COL12A1: variants seen among roughly 807,000 people sequenced by gnomAD.
COL12A1 encodes the protein collagen alpha-1(XII) chain.
In COL12A1, 114 loss-of-function variants were observed where a neutral mutation model predicts 349.7. The ratio of observed to expected loss-of-function variants is 0.33; its 90% confidence interval spans 0.28 to 0.38. COL12A1 has a LOEUF of 0.38. COL12A1 is among the 10% of genes least tolerant of loss of function. The pLI, the probability that COL12A1 is intolerant of heterozygous loss-of-function variation, is 1.00. For missense variants in COL12A1, 3,284 were observed against 3,756.9 expected (o/e 0.87, Z 3.29); for synonymous variants, 1,369 against 1,329.0 (o/e 1.03, Z -0.66).
chr6:75,154,339 G>T (rs934744838), intron 17 of COL12A1, 77 bp downstream of exon 17: 3 of 1,460,884 alleles, frequency 2.1e-6, no homozygotes, highest in African/African-American at 1.4e-5. Context: ...GTTTTCCATT[G>T]TATGATACCC....
intron 14 of COL12A1, among the ~76,000 whole-genome samples, chr6:75,164,961 A>T (rs1054690208): frequency 7.2e-5 from 11 of 152,170 alleles, no homozygotes; most frequent in South Asian, 2.1e-4. Flanking sequence ...ATAAAAAATT[A>T]AAAAACTAAG....
rs1766399636 is a variant in COL12A1, at chr6:75,133,257, A to G, written c.5794+36T>C. ...GTCTTTATAATGAAAAGCAACACTTATGATGAAAAATTAATTTTTTGGCTT... is the reference window on the plus strand; with the variant it reads ...GTCTTTATAATGAAAAGCAACACTTGTGATGAAAAATTAATTTTTTGGCTT... On this transcript the variant is annotated intron_variant, in intron 34 of 65. Transcript: ENST00000322507. The G allele has an allele frequency of 5.9e-6, 9 of 1,535,776 alleles. No individual in the cohort carries two copies. The East Asian group carries it at 2.1e-4, about 36-fold the overall frequency.
intron 22 of COL12A1, 74 bp from the exon 23 acceptor site, chr6:75,147,878 A>G: frequency 6.8e-7 from 1 of 1,464,938 alleles, no homozygotes; most frequent in Non-Finnish European, 9.2e-7. Context: ...CTTACAAAGT[A>G]GTTAACTGCA....
intron 53 of COL12A1, among the ~76,000 whole-genome samples, chr6:75,105,871 CTAGCGTATAA>C (rs1353721140): frequency 1.3e-5 from 2 of 152,136 alleles, no homozygotes; most frequent in African/African-American, 4.8e-5. Flanking sequence ...AGATTGGTGC[CTAGCGTATAA>C]TAGGTGCTCA....
intron 63 of COL12A1, 145 bp from the exon 64 acceptor site, chr6:75,089,319 G>T: frequency 1.6e-6 from 1 of 635,236 alleles, no homozygotes; most frequent in Non-Finnish European, 2.6e-6. Context: ...CACTCTTTAA[G>T]CCAAGTTCTT....
intron 10 of COL12A1, among the ~76,000 whole-genome samples, chr6:75,182,741 G>A (rs1769378888): frequency 6.6e-6 from 1 of 152,084 alleles, no homozygotes; most frequent in Admixed American, 6.6e-5. Context: ...CCCCATACAT[G>A]GGATTTGGAT....
chr6:75,087,634 C>G lies in COL12A1; in HGVS notation c.9124G>C (p.Gly3042Arg). ...SGIRGPPGPP[G>R]YCDSSQCASI... Reference sequence around the variant, plus strand: ...GCACACTGAGAAGAATCACAGTATCCAGGAGGACCTGGGGGTCCTCGGATA... The same window carrying G: ...GCACACTGAGAAGAATCACAGTATCGAGGAGGACCTGGGGGTCCTCGGATA... The change falls in exon 65 of 66, where the codon GGA (glycine) becomes CGA (arginine). Residue 3042 changes from glycine to arginine, a missense_variant. Transcript: ENST00000322507. 6.2e-7 allele frequency: 1 copy of G among 1,613,482 alleles called. No homozygotes were observed. The highest frequency in any genetic ancestry group is 8.5e-7 in the Non-Finnish European group (1 of 1,179,734).
In COL12A1 at chr6:75,138,585, G is replaced by A. The variant is rs766762283; in HGVS notation, c.5098-5C>T. 6 of 1,612,892 alleles carry A rather than the reference G, an allele frequency of 3.7e-6. No homozygotes were observed. In the Admixed American group the frequency reaches 6.7e-5, roughly 18 times the overall value. ...TTCATCTCCATTTAAGATGGTCTTGGAGAAAGAGGACAAAAACATACCCAC... is the reference window on the plus strand; with the variant it reads ...TTCATCTCCATTTAAGATGGTCTTGAAGAAAGAGGACAAAAACATACCCAC... On this transcript the variant is annotated splice_region_variant and splice_polypyrimidine_tract_variant and intron_variant, in intron 28 of 65. Coordinates refer to ENST00000322507, the MANE Select transcript of COL12A1 (RefSeq NM_004370.6).
At chr6:75,205,153 G>T (rs1344217298) in intron 1 of COL12A1, among the ~76,000 whole-genome samples, 2 of 151,014 alleles carry the variant, frequency 1.3e-5, no homozygotes. Flanking sequence ...GTCGGAGAGG[G>T]GACTTTCTCC....
At chr6:75,091,676 G>T in intron 60 of COL12A1, 151 bp from the exon 61 acceptor site, 1 of 725,994 alleles carries the variant, frequency 1.4e-6, no homozygotes, top group South Asian at 1.9e-5. Context: ...CTCACATTCT[G>T]CTTTTCTATA....
intron 14 of COL12A1, among the ~76,000 whole-genome samples, chr6:75,162,015 T>C (rs1271372637): frequency 6.6e-6 from 1 of 152,184 alleles, no homozygotes; most frequent in Non-Finnish European, 1.5e-5. Context: ...CAGAAACAAA[T>C]GGAAAAACAT....
intron 14 of COL12A1, among the ~76,000 whole-genome samples, chr6:75,159,438 T>C (rs1400595013): frequency 1.4e-5 from 2 of 147,272 alleles, no homozygotes; most frequent in Non-Finnish European, 3.0e-5. Context: ...TATTATTATA[T>C]AAAAATATAT....
chr6:75,170,213 TAA>T (rs995565547), intron 13 of COL12A1, among the ~76,000 whole-genome samples: 12 of 152,200 alleles, frequency 7.9e-5, no homozygotes, highest in African/African-American at 2.9e-4. Flanking sequence ...CATCATGAAA[TAA>T]AACTGCATTT....
Position 75,175,325 on chromosome 6 carries a change from G to T in COL12A1, c.2438-15C>A, listed in dbSNP as rs374929608. The T allele has an allele frequency of 3.1e-6, 5 of 1,604,084 alleles. No homozygotes were observed. Among genetic ancestry groups the T allele is most frequent in the Non-Finnish European group, 4.3e-6 (5 of 1,175,798 alleles). On this transcript the variant is annotated splice_polypyrimidine_tract_variant and intron_variant, in intron 12 of 65. Transcript: ENST00000322507. ...ATTCCCTCTAACTTCATTAAAAAAT[G>T]ACAACATCATCAAAACCCATTATTT...
At chr6:75,177,546 A>G in intron 12 of COL12A1, 117 bp downstream of exon 12, 1 of 1,298,134 alleles carries the variant, frequency 7.7e-7, no homozygotes, top group Non-Finnish European at 1.1e-6. Context: ...ATGGTCTAAC[A>G]TACTCAAACA....
intron 51 of COL12A1, among the ~76,000 whole-genome samples, chr6:75,109,715 ATTTTC>A (rs2149353757): frequency 6.6e-6 from 1 of 152,222 alleles, no homozygotes; most frequent in South Asian, 2.1e-4. Context: ...TCAGGATTCA[ATTTTC>A]TTTTAAGGAA....
chr6:75,095,756 T>C (rs1456013123), intron 59 of COL12A1, among the ~76,000 whole-genome samples: 2 of 152,002 alleles, frequency 1.3e-5, no homozygotes, highest in Non-Finnish European at 2.9e-5. Flanking sequence ...CGCATATGTA[T>C]ATAATCAGTT....
At position 75,183,389 on chromosome 6, in the gene COL12A1, T is replaced by G. The variant is rs1475725625; in HGVS notation, c.1552A>C (p.Asn518His). Reference sequence around the variant, plus strand: ...ACATAAGTCATTGCTTTGCCAGTATTTGTAGATCCTCCTCTGTAAGGGAAG... The same window carrying G: ...ACATAAGTCATTGCTTTGCCAGTATGTGTAGATCCTCCTCTGTAAGGGAAG... ...NTFPYRGGST[N>H]TGKAMTYVRE... The change falls in exon 10 of 66, where the codon AAT (asparagine) becomes CAT (histidine). Residue 518 changes from asparagine to histidine, a missense_variant. Physicochemically the swap from Asn to His is moderately conservative, Grantham distance 68 (BLOSUM62 1). Around this residue, in one of 2 missense-constraint regions of COL12A1, gnomAD observed 2,601 missense variants for 2,824.8 expected, o/e 0.92. Transcript: ENST00000322507. The G allele has an allele frequency of 3.7e-6, 6 of 1,614,112 alleles. No homozygotes were observed.
At chr6:75,089,489 C>T (rs1767656327) in intron 63 of COL12A1, among the ~76,000 whole-genome samples, 1 of 152,134 alleles carries the variant, frequency 6.6e-6, no homozygotes, top group Non-Finnish European at 1.5e-5. Context: ...CATTGAAAAA[C>T]ATATTAAAGG....
Sources: gnomAD v4.1 joint callset for allele counts (sites outside exome capture counted in the v4.1 genomes callset) on GRCh38, gnomAD v4.1.1 for gene constraint, gnomAD v4.1.1 regional missense constraint, MANE v1.5 for transcripts, NCBI Gene and HGNC (gene_info 2026-07-23, HGNC 2026-07-21) for gene names.